The following CA1 variants were observed in gnomAD, a reference collection of about 807,000 sequenced individuals.
The protein encoded by CA1 is carbonic anhydrase 1, also known as carbonate dehydratase I.
A neutral mutation model predicts 28.8 loss-of-function variants in CA1; 27 were observed. The ratio of observed to expected loss-of-function variants is 0.94; its 90% CI spans 0.69 to 1.29. The LOEUF (loss-of-function observed/expected upper bound fraction) is 1.29, where lower values mean the gene tolerates loss of function less well. Among genes scored for constraint, CA1 ranks in the 50% most tolerant of loss-of-function variants. The pLI is 0.00. For synonymous variants in CA1, 121 were observed against 108.8 expected, an observed-to-expected ratio of 1.11 and a Z score of -0.70; for missense variants, 335 against 310.5, an observed-to-expected ratio of 1.08 and a Z score of -0.59.
intron 2 of CA1, among the ~76,000 whole-genome samples, chr8:85,339,966 C>A (rs1420804890): frequency 1.3e-5 from 2 of 152,144 alleles, no homozygotes; most frequent in African/African-American, 4.8e-5. Flanking sequence ...AAGAAAGATG[C>A]CATCTCCATA....
chr8:85,348,712 A>G (rs887991506), intron 1 of CA1, among the ~76,000 whole-genome samples: 3 of 152,190 alleles, frequency 2.0e-5, no homozygotes, highest in Non-Finnish European at 4.4e-5. Flanking sequence ...AATTTTTTAA[A>G]TCTGTCTAAC....
At chr8:85,348,930 AGG>A (rs1809302719) in intron 1 of CA1, among the ~76,000 whole-genome samples, 1 of 152,208 alleles carries the variant, frequency 6.6e-6, no homozygotes, top group Non-Finnish European at 1.5e-5. Context: ...CCAGGTGTTA[AGG>A]AGGACACAAG....
chr8:85,342,439 A>G (rs1808967325), intron 1 of CA1, among the ~76,000 whole-genome samples: 1 of 152,192 alleles, frequency 6.6e-6, no homozygotes, highest in African/African-American at 2.4e-5. Flanking sequence ...TAATTGAGAG[A>G]TGTTGAGGTA....
chr8:85,348,503 T>TA (rs1394950133), intron 1 of CA1, among the ~76,000 whole-genome samples: 1 of 152,198 alleles, frequency 6.6e-6, no homozygotes, highest in African/African-American at 2.4e-5. Flanking sequence ...GAGCACTATT[T>TA]GAATTAATGA....
At chr8:85,365,846 G>A (rs1337364786) in intron 1 of CA1, among the ~76,000 whole-genome samples, 2 of 152,148 alleles carry the variant, frequency 1.3e-5, no homozygotes, top group Non-Finnish European at 2.9e-5. Flanking sequence ...GTAGAATAAG[G>A]AAGGCCTAGG....
At chr8:85,338,186 G>C (rs1446946480) in intron 3 of CA1, 66 bp downstream of exon 3, 2 of 1,266,068 alleles carry the variant, frequency 1.6e-6, no homozygotes, top group African/African-American at 2.9e-5. Flanking sequence ...TATTTCTCGA[G>C]CACTATTTTT....
intron 3 of CA1, 64 bp downstream of exon 3, chr8:85,338,188 A>G (rs1808740390): frequency 7.8e-7 from 1 of 1,282,618 alleles, no homozygotes; most frequent in Non-Finnish European, 1.1e-6. Context: ...TTTCTCGAGC[A>G]CTATTTTTTA....
At position 85,372,833 on chromosome 8, in the gene CA1, C is replaced by T. The variant is rs534730504; in HGVS notation, c.-25+5213G>A. Among the ~76,000 whole-genome samples, 5 of 152,294 alleles carry T rather than the reference C, an allele frequency of 3.3e-5. No homozygotes were observed. The East Asian group carries it at 9.7e-4, about 29-fold the overall frequency. Reference sequence around the variant, plus strand: ...CTTTGTCCATCATATCGCCTCTGTACATGCTGCCCTCCCCTTAGTCACTTA... The same window carrying T: ...CTTTGTCCATCATATCGCCTCTGTATATGCTGCCCTCCCCTTAGTCACTTA... On this transcript the variant is annotated intron_variant, in intron 1 of 7. Coordinates refer to ENST00000523022, the MANE Select transcript of CA1 (RefSeq NM_001128831.4).
intron 1 of CA1, among the ~76,000 whole-genome samples, chr8:85,364,023 TAG>T (rs1257745880): frequency 6.6e-6 from 1 of 152,180 alleles, no homozygotes; most frequent in Non-Finnish European, 1.5e-5. Context: ...TTTTTTTAAA[TAG>T]AGACAGGGTC....
intron 2 of CA1, among the ~76,000 whole-genome samples, chr8:85,339,358 C>T (rs1564025758): frequency 1.3e-5 from 2 of 152,092 alleles, no homozygotes; most frequent in East Asian, 3.9e-4. Context: ...TTTGATGTTA[C>T]TATTATAATA....
At chr8:85,335,292 T>C (rs1808601810) in intron 4 of CA1, among the ~76,000 whole-genome samples, 1 of 152,182 alleles carries the variant, frequency 6.6e-6, no homozygotes, top group African/African-American at 2.4e-5. Context: ...CTTGTGTCTC[T>C]ACGGAAATGT....
At chr8:85,328,697 A>T (rs1388220198) in intron 7 of CA1, 21 bp from the exon 8 acceptor site, 5 of 1,491,988 alleles carry the variant, frequency 3.4e-6, no homozygotes, top group African/African-American at 2.8e-5. Context: ...AAAATATTTT[A>T]AAAATAAAAA....
intron 1 of CA1, among the ~76,000 whole-genome samples, chr8:85,360,553 C>T (rs1267118922): frequency 6.6e-6 from 1 of 152,040 alleles, no homozygotes; most frequent in Non-Finnish European, 1.5e-5. Flanking sequence ...ATTAGCCAGG[C>T]GTGGTGGCAT....
chr8:85,329,829 A>G lies in CA1; in HGVS notation c.529T>C (p.Phe177Leu). ...AIKTKGKRAP[F>L]TNFDPSTLLP... ...AGAGTAGAGGGGTCAAAATTTGTGAATGGGGCTCGTTTGCCCTGGAAGAAA... is the reference window on the plus strand; with the variant it reads ...AGAGTAGAGGGGTCAAAATTTGTGAGTGGGGCTCGTTTGCCCTGGAAGAAA... The change falls in exon 7 of 8, where the codon TTC becomes CTC. Residue 177 changes from phenylalanine (F) to leucine (L), a missense_variant. Coordinates refer to ENST00000523022, the MANE Select transcript of CA1 (RefSeq NM_001128831.4). 6.3e-7 allele frequency: 1 copy of G among 1,593,746 alleles called. No individual in the cohort carries two copies. The highest frequency in any genetic ancestry group is 8.6e-7 in the Non-Finnish European group (1 of 1,168,072).
intron 1 of CA1, among the ~76,000 whole-genome samples, chr8:85,358,727 C>A (rs953160035): frequency 3.3e-5 from 5 of 152,178 alleles, no homozygotes; most frequent in Admixed American, 2.6e-4. Context: ...CAGCGAACAA[C>A]ACGAGCGAAG....
chr8:85,337,265 C>T, intron 3 of CA1: 1 of 573,742 alleles, frequency 1.7e-6, no homozygotes, highest in South Asian at 1.9e-5. Flanking sequence ...CATTGATGAG[C>T]TATTCCATGA....
chr8:85,375,070 A>C (rs1393148151), intron 1 of CA1, among the ~76,000 whole-genome samples: 3 of 152,202 alleles, frequency 2.0e-5, no homozygotes, highest in Non-Finnish European at 4.4e-5. Context: ...TTGTGTGAAC[A>C]CATTTCTTGT....
At position 85,329,838 on chromosome 8, in the gene CA1, G is replaced by T; in HGVS notation, c.520C>A (p.Arg174=). 2 of 1,586,374 alleles carry T rather than the reference G, an allele frequency of 1.3e-6. No individual in the cohort carries two copies. Among genetic ancestry groups the T allele is most frequent in the Non-Finnish European group, 8.6e-7 (1 of 1,163,566 alleles). Residue 174 remains arginine, a synonymous_variant, in exon 7 of 8, where the codon CGA becomes AGA. Coordinates refer to ENST00000523022, the MANE Select transcript of CA1 (RefSeq NM_001128831.4). ...ALQAIKTKGK[R]APFTNFDPST... The stretch of plus-strand genomic sequence containing the variant: ...GGGTCAAAATTTGTGAATGGGGCTC[G>T]TTTGCCCTGGAAGAAAAGAATACAT...
intron 1 of CA1, among the ~76,000 whole-genome samples, chr8:85,364,039 C>T (rs1287689291): frequency 1.3e-5 from 2 of 151,952 alleles, no homozygotes; most frequent in African/African-American, 4.8e-5. Context: ...CAGGGTCTCA[C>T]CATGTTGCCC....
Sources: gnomAD v4.1 joint callset for allele counts (sites outside exome capture counted in the v4.1 genomes callset) on GRCh38, gnomAD v4.1.1 for gene constraint, MANE v1.5 for transcripts, NCBI Gene and HGNC (gene_info 2026-07-23, HGNC 2026-07-21) for gene names.